Variants in ZNF280A observed in about 807,000 individuals in gnomAD.
The protein encoded by ZNF280A is zinc finger protein 280A, also known as suppressor of hairy wing homolog 1.
A neutral mutation model predicts 35.9 loss-of-function variants in ZNF280A; 26 were observed. That is an observed-to-expected ratio of 0.72 (90% CI 0.53 to 1.01). The LOEUF (loss-of-function observed/expected upper bound fraction) is 1.01. Ranked by LOEUF, ZNF280A falls within the 50% of genes least tolerant of loss-of-function variation. ZNF280A has a pLI of 0.00. For missense variants in ZNF280A, 654 were observed against 652.0 expected, an observed-to-expected ratio of 1.00 and a Z score of -0.03; for synonymous variants, 231 against 232.9, an observed-to-expected ratio of 0.99 and a Z score of 0.07.
rs770701958 is a variant in ZNF280A, at chr22:22,515,644, T to C, written c.-14A>G. ...GATATCTCCCATTTTCAATTTACTTTTTGCTTGAAGCCACTGGTCTCTTCA... is the reference window on the plus strand; with the variant it reads ...GATATCTCCCATTTTCAATTTACTTCTTGCTTGAAGCCACTGGTCTCTTCA... On this transcript the variant is annotated 5_prime_UTR_variant, in exon 2 of 2. Coordinates refer to ENST00000302097, the MANE Select transcript of ZNF280A (RefSeq NM_080740.5). 9 of 1,561,714 alleles carry C rather than the reference T, an allele frequency of 5.8e-6. No homozygotes were observed. Among genetic ancestry groups the C allele is most frequent in the Non-Finnish European group, 7.8e-6 (9 of 1,157,646 alleles).
intron 1 of ZNF280A, among the ~76,000 whole-genome samples, chr22:22,516,696 A>G (rs551988427): frequency 2.0e-5 from 3 of 152,068 alleles, no homozygotes; most frequent in South Asian, 2.1e-4. Context: ...AAATTTCCCC[A>G]TGGAACCTTA....
chr22:22,516,938 C>T (rs1344783917), intron 1 of ZNF280A, among the ~76,000 whole-genome samples: 1 of 151,940 alleles, frequency 6.6e-6, no homozygotes, highest in Non-Finnish European at 1.5e-5. Context: ...ACCTCCTTAA[C>T]TCATATGTTC....
At position 22,515,414 on chromosome 22, in the gene ZNF280A, T is replaced by C. The variant is rs1483980705; in HGVS notation, c.217A>G (p.Arg73Gly). The change falls in exon 2 of 2, where the codon AGA (arginine) becomes GGA (glycine). Residue 73 changes from arginine (R) to glycine (G), a missense_variant. By Grantham distance (125) the Arg-to-Gly change is moderately radical (BLOSUM62 -2). Transcript: ENST00000302097. Reference sequence around the variant, plus strand: ...TGACGGAAGTGGCCTTTCTTTCTTCTTGAATTTGAGCCTGGGGTGACTCTG... The same window carrying C: ...TGACGGAAGTGGCCTTTCTTTCTTCCTGAATTTGAGCCTGGGGTGACTCTG... ...LNRVTPGSNSRRKKGHFRQYP... is the reference protein window; with the variant it reads ...LNRVTPGSNSGRKKGHFRQYP... 1.9e-6 allele frequency: 3 copies of C among 1,613,814 alleles called. No homozygotes were observed. Among genetic ancestry groups the C allele is most frequent in the Non-Finnish European group, 2.5e-6 (3 of 1,179,966 alleles).
Position 22,514,166 on chromosome 22 carries a change from C to T in ZNF280A, c.1465G>A (p.Glu489Lys), listed in dbSNP as rs1183774995. ...KPEQLQGLPS[E>K]TKVIIQTSVQ... Reference sequence around the variant, plus strand: ...GAAGTTTGAATAATAACTTTTGTTTCACTAGGCAACCCTTGCAGTTGCTCC... The same window carrying T: ...GAAGTTTGAATAATAACTTTTGTTTTACTAGGCAACCCTTGCAGTTGCTCC... The change falls in exon 2 of 2, where the codon GAA becomes AAA. Residue 489 changes from glutamate to lysine, a missense_variant. Transcript: ENST00000302097. 6.2e-6 allele frequency: 10 copies of T among 1,613,840 alleles called. No homozygotes were observed. The highest frequency in any genetic ancestry group is 8.5e-6 in the Non-Finnish European group (10 of 1,179,970).
intron 1 of ZNF280A, among the ~76,000 whole-genome samples, chr22:22,516,282 C>T (rs1171353149): frequency 1.7e-5 from 2 of 120,598 alleles, no homozygotes; most frequent in African/African-American, 7.7e-5. Context: ...CAAACACACA[C>T]ACACACAAAT....
At chr22:22,519,221 G>T (rs1469114917) in intron 1 of ZNF280A, among the ~76,000 whole-genome samples, 1 of 151,734 alleles carries the variant, frequency 6.6e-6, no homozygotes, top group Non-Finnish European at 1.5e-5. Flanking sequence ...ATCACCTGAG[G>T]TCAGGAGTTT....
Position 22,513,906 on chromosome 22 carries a change from G to A in ZNF280A, c.*96C>T, listed in dbSNP as rs2062037356. The A allele has an allele frequency of 1.3e-6, 1 of 745,660 alleles. No homozygotes were observed. The highest frequency in any genetic ancestry group is 1.8e-5 in the African/African-American group (1 of 56,904). 46.2% of individuals were successfully genotyped at this position (745,660 alleles called of 1,614,324 possible). The stretch of plus-strand genomic sequence containing the variant: ...CACTGTAAAAAACAACCTGACAGTT[G>A]ATGACATTGCTTGCTAGCATCTACA... On this transcript the variant is annotated 3_prime_UTR_variant, in exon 2 of 2. Transcript: ENST00000302097.
Position 22,515,253 on chromosome 22 carries a change from T to C in ZNF280A, c.378A>G (p.Lys126=), listed in dbSNP as rs1248840746. 6.2e-7 allele frequency: 1 copy of C among 1,613,666 alleles called. No individual in the cohort carries two copies. The highest frequency in any genetic ancestry group is 8.5e-7 in the Non-Finnish European group (1 of 1,179,948). ...GAGAAACAACTTGTGGTGAGCTCAT[T>C]TTATAACCAGGTTCAGATGAAGACT... ...TMKSSSEPGY[K]MSSPQVVSPS... is the part of the protein sequence containing the mutation. The change falls in exon 2 of 2, where the codon AAA becomes AAG. Residue 126 remains lysine, a synonymous_variant. Coordinates refer to ENST00000302097, the MANE Select transcript of ZNF280A (RefSeq NM_080740.5).
chr22:22,514,283 C>T lies in ZNF280A; in HGVS notation c.1348G>A (p.Val450Ile), dbSNP rs759674902. ...NHCWRHSRRR[V>I]LQCSKCRLQF... The stretch of plus-strand genomic sequence containing the variant: ...AGCCGGCACTTGGAACACTGAAGGA[C>T]CCTCCTTCTGCTGTGCCTCCAACAA... The change falls in exon 2 of 2, where the codon GTC (valine) becomes ATC (isoleucine). Residue 450 changes from valine (V) to isoleucine (I), a missense_variant. Coordinates refer to ENST00000302097, the MANE Select transcript of ZNF280A (RefSeq NM_080740.5). 2 of 1,613,960 alleles carry T rather than the reference C, an allele frequency of 1.2e-6. No homozygotes were observed. Among genetic ancestry groups the T allele is most frequent in the Non-Finnish European group, 1.7e-6 (2 of 1,179,994 alleles).
Position 22,514,028 on chromosome 22 carries a change from G to A in ZNF280A, c.1603C>T (p.Leu535Phe). 1 of 1,576,418 alleles carries A rather than the reference G, an allele frequency of 6.3e-7. No homozygotes were observed. Among genetic ancestry groups the A allele is most frequent in the Non-Finnish European group, 8.6e-7 (1 of 1,156,914 alleles). Residue 535 changes from leucine to phenylalanine, a missense_variant, in exon 2 of 2, where the codon CTC becomes TTC. Coordinates refer to ENST00000302097, the MANE Select transcript of ZNF280A (RefSeq NM_080740.5). ...CAGCTAGAATCCTTGCTGCAAGGGA[G>A]TCTGGAATCTCTAGTGTTCATAGCC... ...KTAMNTRDSR[L>F]PCSKDSS
At chr22:22,519,506 C>T (rs2062114966) in intron 1 of ZNF280A, among the ~76,000 whole-genome samples, 1 of 151,854 alleles carries the variant, frequency 6.6e-6, no homozygotes, top group Admixed American at 6.6e-5. Context: ...TCTTTATGTA[C>T]TGTAGATCTT....
Position 22,515,520 on chromosome 22 carries a change from C to T in ZNF280A, c.111G>A (p.Val37=), listed in dbSNP as rs767483121. 5.0e-6 allele frequency: 8 copies of T among 1,613,754 alleles called. No homozygotes were observed. Among genetic ancestry groups the T allele is most frequent in the Non-Finnish European group, 6.8e-6 (8 of 1,179,962 alleles). The change falls in exon 2 of 2, where the codon GTG becomes GTA. Residue 37 remains valine, a synonymous_variant. Transcript: ENST00000302097. ...CTTCAGCATCTCTATGTACATGCTC[C>T]ACCCCAACATAGATCAGATCTGGAT... ...DEDPDLIYVG[V]EHVHRDAEVL...
chr22:22,517,161 C>T (rs2062081850), intron 1 of ZNF280A, among the ~76,000 whole-genome samples: 1 of 151,876 alleles, frequency 6.6e-6, no homozygotes, highest in South Asian at 2.1e-4. Context: ...AATCCCAACA[C>T]TTTGTAAGGC....
In ZNF280A at chr22:22,515,570, T is replaced by C. The variant is rs746427961; in HGVS notation, c.61A>G (p.Lys21Glu). Residue 21 changes from lysine to glutamate, a missense_variant, in exon 2 of 2, where the codon AAA becomes GAA. Transcript: ENST00000302097. ...TCTTCATCATCCTCCTCCCTTTGTTTGGATTCTCTCAAATTCTTCTTTGGT... is the reference window on the plus strand; with the variant it reads ...TCTTCATCATCCTCCTCCCTTTGTTCGGATTCTCTCAAATTCTTCTTTGGT... ...ESPKKNLRES[K>E]QREEDDEDPD... The C allele has an allele frequency of 1.9e-6, 3 of 1,610,436 alleles. No individual in the cohort carries two copies. The highest frequency in any genetic ancestry group is 2.2e-5 in the East Asian group (1 of 44,804).
intron 1 of ZNF280A, among the ~76,000 whole-genome samples, chr22:22,519,484 G>T (rs1319455883): frequency 6.6e-6 from 1 of 151,880 alleles, no homozygotes; most frequent in African/African-American, 2.4e-5. Flanking sequence ...GCAATCTCTC[G>T]CTGACAAAAT....
intron 1 of ZNF280A, among the ~76,000 whole-genome samples, chr22:22,518,785 C>CAAA (rs140976483): frequency 0.47 from 53,480 of 114,888 alleles, 11,568 homozygotes; most frequent in East Asian, 0.65. Context: ...GAGACTGTCT[C>CAAA]AAAAAAAAAA....
Position 22,513,911 on chromosome 22 carries a change from C to T in ZNF280A, c.*91G>A. 2 of 758,508 alleles carry T rather than the reference C, an allele frequency of 2.6e-6. No homozygotes were observed. The highest frequency in any genetic ancestry group is 2.5e-5 in the East Asian group (1 of 40,512). The allele number at this position is 758,508 out of a possible 1,614,324, so 47.0% of individuals were successfully genotyped here. A position where few individuals can be genotyped will look rare whatever the true frequency, so the allele number is the denominator to read the frequency against. Reference sequence around the variant, plus strand: ...TAAAAAACAACCTGACAGTTGATGACATTGCTTGCTAGCATCTACAGCCAC... The same window carrying T: ...TAAAAAACAACCTGACAGTTGATGATATTGCTTGCTAGCATCTACAGCCAC... On this transcript the variant is annotated 3_prime_UTR_variant, in exon 2 of 2. Coordinates refer to ENST00000302097, the MANE Select transcript of ZNF280A (RefSeq NM_080740.5).
Position 22,514,888 on chromosome 22 carries a change from G to A in ZNF280A, c.743C>T (p.Ser248Phe). ...TGAAATGTCTGTCATTGCCAGGGCA[G>A]ACTCACTTGCTCTCTCTGGATCTGT... The part of the protein sequence containing the change: ...NLTDPERASE[S>F]ALAMTDISSL... The change falls in exon 2 of 2, where the codon TCT becomes TTT. Residue 248 changes from serine to phenylalanine, a missense_variant. Ser to Phe is a radical substitution (Grantham distance 155, BLOSUM62 -2). Transcript: ENST00000302097. 6.2e-7 allele frequency: 1 copy of A among 1,613,754 alleles called. No individual in the cohort carries two copies. The highest frequency in any genetic ancestry group is 8.5e-7 in the Non-Finnish European group (1 of 1,179,894).
chr22:22,515,006 G>T lies in ZNF280A; in HGVS notation c.625C>A (p.Pro209Thr). ...GATGAGTTGCAGATCCCCTGTGAGG[G>T]TGTATTTGTGCTTATTGTAGAAGAC... The part of the protein sequence containing the change: ...DMSSTISTNT[P>T]SQGICNSSNH... The change falls in exon 2 of 2, where the codon CCC (proline) becomes ACC (threonine). Residue 209 changes from proline (P) to threonine (T), a missense_variant. Transcript: ENST00000302097. The T allele has an allele frequency of 6.2e-7, 1 of 1,613,900 alleles. No individual in the cohort carries two copies. Among genetic ancestry groups the T allele is most frequent in the Non-Finnish European group, 8.5e-7 (1 of 1,179,988 alleles).
Sources: allele counts gnomAD v4.1 joint callset (sites outside exome capture counted in the v4.1 genomes callset), GRCh38; gene constraint gnomAD v4.1.1; transcripts MANE v1.5; gene names NCBI Gene and HGNC (gene_info 2026-07-23, HGNC 2026-07-21).